SLC22A9: variants seen among roughly 807,000 people sequenced by gnomAD.
SLC22A9 encodes the protein organic anion transporter 7.
A neutral mutation model predicts 50.1 loss-of-function variants in SLC22A9; 64 were observed. The ratio of observed to expected loss-of-function variants is 1.28; its 90% confidence interval spans 1.04 to 1.57. The LOEUF is 1.57. Among genes scored for constraint, SLC22A9 ranks in the 40% most tolerant of loss-of-function variants. The pLI, the probability that SLC22A9 is intolerant of heterozygous loss-of-function variation, is 0.00. For synonymous variants in SLC22A9, 261 were observed against 242.5 expected, an observed-to-expected ratio of 1.08 and a Z score of -0.71; for missense variants, 757 against 676.1, an observed-to-expected ratio of 1.12 and a Z score of -1.33.
At chr11:63,404,182 C>T (rs2014998582) in intron 6 of SLC22A9, among the ~76,000 whole-genome samples, 1 of 152,076 alleles carries the variant, frequency 6.6e-6, no homozygotes, top group Non-Finnish European at 1.5e-5. Context: ...AGAAAAAGGT[C>T]ATACCCAACA....
In SLC22A9 at chr11:63,382,211, C is replaced by G. The variant is rs757105112; in HGVS notation, c.1007C>G (p.Pro336Arg). 3.7e-5 allele frequency: 59 copies of G among 1,608,940 alleles called. No homozygotes were observed. The Middle Eastern group carries it at 5.0e-4, about 14-fold the overall frequency. Residue 336 changes from proline (P) to arginine (R), a missense_variant, in exon 6 of 10, where the codon CCT becomes CGT. Physicochemically the swap from Pro to Arg is moderately radical, Grantham distance 103. Coordinates refer to ENST00000279178, the MANE Select transcript of SLC22A9 (RefSeq NM_080866.3). ...CTGGAGGCAGCACAAAAAAAAAAAC[C>G]TTCTCTGTGTGAAATGCTCCACATG... ...KELEAAQKKKPSLCEMLHMPN... is the reference protein window; with the variant it reads ...KELEAAQKKKRSLCEMLHMPN...
chr11:63,374,095 G>A (rs2014419105), intron 4 of SLC22A9, 33 bp downstream of exon 4: 19 of 1,567,944 alleles, frequency 1.2e-5, no homozygotes, highest in Non-Finnish European at 1.6e-5. Context: ...GTCTTAATGA[G>A]ATATTGGAAT....
chr11:63,387,837 TA>T (rs1236584986), intron 6 of SLC22A9, among the ~76,000 whole-genome samples: 1 of 152,132 alleles, frequency 6.6e-6, no homozygotes, highest in Admixed American at 6.6e-5. Context: ...ATTAATGTTT[TA>T]AAGTTTTCAT....
In SLC22A9 at chr11:63,409,863, G is replaced by T. The variant is rs1194802250; in HGVS notation, c.*1G>T. 1 of 1,613,498 alleles carries T rather than the reference G, an allele frequency of 6.2e-7. No homozygotes were observed. The highest frequency in any genetic ancestry group is 8.5e-7 in the Non-Finnish European group (1 of 1,179,718). ...GAGAGTGGAAGTGACGCAGTTTTAA[G>T]GAATTCCAGGAGCTGACTGCCGATC... is the stretch of plus-strand genomic sequence containing the variant. On this transcript the variant is annotated 3_prime_UTR_variant, in exon 10 of 10. Coordinates refer to ENST00000279178, the MANE Select transcript of SLC22A9 (RefSeq NM_080866.3).
chr11:63,394,639 G>T (rs1022556690), intron 6 of SLC22A9, among the ~76,000 whole-genome samples: 1 of 152,138 alleles, frequency 6.6e-6, no homozygotes, highest in African/African-American at 2.4e-5. Flanking sequence ...TGGTGCTTTT[G>T]TCTCACAGCG....
chr11:63,387,600 T>C (rs1432689346), intron 6 of SLC22A9, among the ~76,000 whole-genome samples: 1 of 152,156 alleles, frequency 6.6e-6, no homozygotes, highest in East Asian at 1.9e-4. Context: ...CCTCCAGTTT[T>C]GTTCTTTTTA....
At position 63,375,670 on chromosome 11, in the gene SLC22A9, C is replaced by T. The variant is rs771943612; in HGVS notation, c.856C>T (p.Leu286Phe). The T allele has an allele frequency of 1.9e-6, 3 of 1,612,418 alleles. No homozygotes were observed. The highest frequency in any genetic ancestry group is 1.7e-6 in the Non-Finnish European group (2 of 1,178,956). ...SSWLLESARW[L>F]IINNKPEEGL... ...TTGGCTGCTAGAGTCTGCTCGGTGG[C>T]TCATTATCAACAATAAACCAGAGGA... The change falls in exon 5 of 10, where the codon CTC (leucine) becomes TTC (phenylalanine). Residue 286 changes from leucine (L) to phenylalanine (F), a missense_variant. Leu to Phe is a conservative substitution (Grantham distance 22). Coordinates refer to ENST00000279178, the MANE Select transcript of SLC22A9 (RefSeq NM_080866.3).
chr11:63,406,842 G>A (rs1193005941), intron 7 of SLC22A9, 131 bp downstream of exon 7: 6 of 1,025,844 alleles, frequency 5.8e-6, no homozygotes, highest in African/African-American at 4.9e-5. Flanking sequence ...ACACCAATCT[G>A]GGGATTTGGG....
chr11:63,404,829 T>C (rs953475703), intron 6 of SLC22A9, among the ~76,000 whole-genome samples: 3 of 152,158 alleles, frequency 2.0e-5, no homozygotes, highest in Admixed American at 6.6e-5. Context: ...TTGCCTAACA[T>C]TGTGTTCTCA....
intron 6 of SLC22A9, among the ~76,000 whole-genome samples, chr11:63,390,940 T>C (rs757877135): frequency 1.3e-5 from 2 of 152,144 alleles, no homozygotes; most frequent in Non-Finnish European, 2.9e-5. Flanking sequence ...TTCTATTTTT[T>C]TGATGTAGAC....
intron 5 of SLC22A9, among the ~76,000 whole-genome samples, chr11:63,379,216 T>C (rs923482131): frequency 1.2e-4 from 19 of 152,046 alleles, no homozygotes; most frequent in African/African-American, 4.3e-4. Flanking sequence ...AATAATGCCA[T>C]ACCTCTACAA....
rs1591010345 is a variant in SLC22A9, at chr11:63,370,441, T to C, written c.385T>C (p.Ser129Pro). The C allele has an allele frequency of 1.9e-6, 3 of 1,591,130 alleles. No individual in the cohort carries two copies. The highest frequency in any genetic ancestry group is 8.6e-7 in the Non-Finnish European group (1 of 1,168,868). The change falls in exon 1 of 10, where the codon TCC becomes CCC. Residue 129 changes from serine (S) to proline (P), a missense_variant. Physicochemically the swap from Ser to Pro is moderately conservative, Grantham distance 74. Transcript: ENST00000279178. ...GWVYDRISFS[S>P]TIVTEWDLVC... ...GGTGTATGACAGAATCTCCTTCTCA[T>C]CCACCATCGTGACTGAGGTAAGAGG...
At chr11:63,389,319 C>T (rs1398842586) in intron 6 of SLC22A9, among the ~76,000 whole-genome samples, 2 of 151,838 alleles carry the variant, frequency 1.3e-5, no homozygotes, top group South Asian at 2.1e-4. Context: ...TGTCTTAATG[C>T]TATCCCTCCC....
intron 6 of SLC22A9, among the ~76,000 whole-genome samples, chr11:63,383,522 A>T (rs191914261): frequency 2.0e-5 from 3 of 152,260 alleles, no homozygotes; most frequent in Admixed American, 2.0e-4. Flanking sequence ...ATTTGGGTTG[A>T]TTGGTGAAGG....
chr11:63,387,797 T>C (rs989660227), intron 6 of SLC22A9, among the ~76,000 whole-genome samples: 5 of 152,130 alleles, frequency 3.3e-5, no homozygotes, highest in Admixed American at 3.3e-4. Flanking sequence ...TGGAATATCT[T>C]TCCATTTTTA....
chr11:63,401,454 G>C (rs1287928494), intron 6 of SLC22A9, among the ~76,000 whole-genome samples: 2 of 151,930 alleles, frequency 1.3e-5, no homozygotes, highest in African/African-American at 2.4e-5. Context: ...AGAACTGAAA[G>C]ATTTCTACAA....
chr11:63,396,698 T>G (rs2014864337), intron 6 of SLC22A9, among the ~76,000 whole-genome samples: 1 of 152,158 alleles, frequency 6.6e-6, no homozygotes, highest in Non-Finnish European at 1.5e-5. Context: ...ACTCCAAAAT[T>G]TCTGCTTCAT....
At chr11:63,409,123 T>C (rs1591031076) in intron 9 of SLC22A9, among the ~76,000 whole-genome samples, 3 of 152,242 alleles carry the variant, frequency 2.0e-5, no homozygotes, top group Admixed American at 1.3e-4. Flanking sequence ...GGCTTCATAG[T>C]GAAGAAGCCA....
intron 5 of SLC22A9, among the ~76,000 whole-genome samples, chr11:63,378,093 A>C (rs2014495671): frequency 6.6e-6 from 1 of 152,068 alleles, no homozygotes; most frequent in Non-Finnish European, 1.5e-5. Flanking sequence ...GGCCACATGG[A>C]TTCACAGCTA....
Sources: gnomAD v4.1 joint callset for allele counts (sites outside exome capture counted in the v4.1 genomes callset) on GRCh38, gnomAD v4.1.1 for gene constraint, MANE v1.5 for transcripts, NCBI Gene and HGNC (gene_info 2026-07-23, HGNC 2026-07-21) for gene names.